Variants in MORN1 observed in about 807,000 individuals in gnomAD.
The protein encoded by MORN1 is MORN repeat-containing protein 1.
MORN1 carries 67 observed loss-of-function variants against 61.9 expected under a neutral mutation model. The ratio of observed to expected loss-of-function variants is 1.08; its 90% CI spans 0.89 to 1.33. MORN1 has a LOEUF of 1.33. Ranked by LOEUF, MORN1 falls within the 40% of genes most tolerant of loss-of-function variation. The pLI is 0.00. For missense variants in MORN1, 752 were observed against 691.2 expected (o/e 1.09, Z -0.99); for synonymous variants, 301 against 292.0 (o/e 1.03, Z -0.31).
At position 2,325,122 on chromosome 1, in the gene MORN1, C is replaced by T. The variant is rs563166006; in HGVS notation, c.1251-979G>A. Among the ~76,000 whole-genome samples, 82 of 68,584 alleles carry T rather than the reference C, an allele frequency of 1.2e-3. 2 individuals carry two copies. Among genetic ancestry groups the T allele is most frequent in the African/African-American group, 6.8e-3 (74 of 10,960 alleles). The allele number at this position is 68,584 out of a possible 152,430, so 45.0% of individuals were successfully genotyped here. A position where few individuals can be genotyped will look rare whatever the true frequency, so the allele number is the denominator to read the frequency against. On this transcript the variant is annotated intron_variant, in intron 12 of 13. Transcript: ENST00000378531. Reference sequence around the variant, plus strand: ...CTCTCCCCTTTCCTTCCCTTCCTTCCCTTCCTTCCTTCCCTCCCTCCCTCC... The same window carrying T: ...CTCTCCCCTTTCCTTCCCTTCCTTCTCTTCCTTCCTTCCCTCCCTCCCTCC...
intron 12 of MORN1, among the ~76,000 whole-genome samples, chr1:2,325,058 G>C (rs553449795): frequency 6.9e-6 from 1 of 145,166 alleles, no homozygotes; most frequent in South Asian, 2.3e-4. Flanking sequence ...TCCCCGGGCA[G>C]TGAGATGCAC....
chr1:2,385,665 G>C (rs1483636712), intron 5 of MORN1, 142 bp downstream of exon 5: 3 of 685,894 alleles, frequency 4.4e-6, no homozygotes, highest in African/African-American at 1.8e-5. Context: ...TGGCACTGGG[G>C]GGGTGGCGGG....
chr1:2,348,622 C>T (rs1048097562), intron 10 of MORN1, among the ~76,000 whole-genome samples: 13 of 150,856 alleles, frequency 8.6e-5, no homozygotes, highest in Admixed American at 7.3e-4. Context: ...TAGGCAGGCA[C>T]GCACGCACAC....
At chr1:2,388,411 C>T in intron 2 of MORN1, 74 bp from the exon 3 acceptor site, 1 of 1,212,538 alleles carries the variant, frequency 8.2e-7, no homozygotes, top group South Asian at 1.2e-5. Flanking sequence ...CAGTGTTGGG[C>T]CTGTTTCTCA....
chr1:2,391,322 G>A (rs985000350), intron 1 of MORN1, 136 bp downstream of exon 1: 3 of 1,032,168 alleles, frequency 2.9e-6, no homozygotes, highest in African/African-American at 3.3e-5. Flanking sequence ...GGACGCGGGG[G>A]CGGCCCTGGC....
Position 2,336,494 on chromosome 1 carries a change from C to T in MORN1, c.1225G>A (p.Ala409Thr), listed in dbSNP as rs2100254792. 6.2e-7 allele frequency: 1 copy of T among 1,612,568 alleles called. No homozygotes were observed. Among genetic ancestry groups the T allele is most frequent in the Non-Finnish European group, 8.5e-7 (1 of 1,179,810 alleles). ...CTGCTGCCTCCAGGAGGCTCCTGTG[C>T]CGTGGGTGGTGTCCCCCTGGGGTGC... ...GLHPRGTPPT[A>T]QEPPGGSRPE... Residue 409 changes from alanine (A) to threonine (T), a missense_variant, in exon 12 of 14, where the codon GCA (alanine) becomes ACA (threonine). By Grantham distance (58) the Ala-to-Thr change is moderately conservative (BLOSUM62 0). Transcript: ENST00000378531.
chr1:2,321,405 G>C lies in MORN1; in HGVS notation c.1472C>G (p.Pro491Arg), dbSNP rs1156465500. ...GCCTCACCGAGGCGCTGGCGGCTCT[G>C]GGGTGCAGCTGTGGGCGGCCTGCCA... is the stretch of plus-strand genomic sequence containing the variant. ...SSWQAAHSCTPEPPAPR is the reference protein window; with the variant it reads ...SSWQAAHSCTREPPAPR Residue 491 changes from proline to arginine, a missense_variant, in exon 14 of 14, where the codon CCA (proline) becomes CGA (arginine). Transcript: ENST00000378531. The C allele has an allele frequency of 6.5e-7, 1 of 1,535,292 alleles. No homozygotes were observed. Among genetic ancestry groups the C allele is most frequent in the Non-Finnish European group, 8.8e-7 (1 of 1,140,328 alleles).
At chr1:2,324,594 G>A (rs775068157) in intron 12 of MORN1, among the ~76,000 whole-genome samples, 11 of 152,164 alleles carry the variant, frequency 7.2e-5, no homozygotes, top group South Asian at 2.1e-4. Flanking sequence ...GAGGCCCGGC[G>A]GTGGTATGGT....
At chr1:2,390,509 G>T (rs1363166853) in intron 1 of MORN1, 1 of 985,302 alleles carries the variant, frequency 1.0e-6, no homozygotes, top group Non-Finnish European at 1.2e-6. Context: ...GTTGCTGGGT[G>T]TGCCACCCGC....
chr1:2,390,714 T>A (rs1021006328), intron 1 of MORN1: 300 of 985,274 alleles, frequency 3.0e-4, no homozygotes, highest in Admixed American at 1.6e-3. Flanking sequence ...CCAGACCCGT[T>A]TATTTGATTC....
intron 8 of MORN1, among the ~76,000 whole-genome samples, chr1:2,359,904 AAAG>A (rs1342422309): frequency 4.6e-5 from 7 of 151,826 alleles, no homozygotes; most frequent in East Asian, 1.9e-4. Context: ...AAGGGAAACA[AAAG>A]AAGAAGAGGA....
At chr1:2,359,608 T>C (rs905344690) in intron 8 of MORN1, among the ~76,000 whole-genome samples, 23 of 152,158 alleles carry the variant, frequency 1.5e-4, no homozygotes, top group African/African-American at 5.3e-4. Context: ...GGAGGCCAGA[T>C]GTGGTGGCTC....
chr1:2,346,756 T>C (rs2100278701), intron 10 of MORN1, among the ~76,000 whole-genome samples: 1 of 151,924 alleles, frequency 6.6e-6, no homozygotes, highest in Middle Eastern at 3.4e-3. Flanking sequence ...CTAAGAAGGG[T>C]GTTTGGGTGC....
chr1:2,344,526 C>T (rs1431347969), intron 10 of MORN1, among the ~76,000 whole-genome samples: 2 of 152,142 alleles, frequency 1.3e-5, no homozygotes, highest in African/African-American at 2.4e-5. Context: ...AGGCCAGGAG[C>T]GGGGACCGCA....
intron 8 of MORN1, among the ~76,000 whole-genome samples, chr1:2,367,934 A>G (rs1642032117): frequency 6.6e-6 from 1 of 152,150 alleles, no homozygotes; most frequent in Non-Finnish European, 1.5e-5. Flanking sequence ...TGGCCTAAAA[A>G]TATAAAATTC....
rs111554132 is a variant in MORN1, at chr1:2,339,660, C to T, written c.1037-2810G>A. Among the ~76,000 whole-genome samples the T allele has an allele frequency of 5.4e-4, 82 of 152,312 alleles. 1 individual carries two copies. Among genetic ancestry groups the T allele is most frequent in the Non-Finnish European group, 9.6e-4 (65 of 68,020 alleles). ...CCCGCCAGGCCCCAGTGTCTCCCAC[C>T]GAGTCGCTGGCACTGCCCTCAGCTG... On this transcript the variant is annotated intron_variant, in intron 10 of 13. Transcript: ENST00000378531.
At chr1:2,332,863 C>T (rs968971484) in intron 12 of MORN1, 32 of 383,020 alleles carry the variant, frequency 8.4e-5, no homozygotes, top group African/African-American at 1.9e-4. Flanking sequence ...CCCCAGGCTG[C>T]GCCTCGAGGG....
At chr1:2,354,821 G>A (rs1340696403) in intron 10 of MORN1, among the ~76,000 whole-genome samples, 2 of 152,218 alleles carry the variant, frequency 1.3e-5, no homozygotes, top group Non-Finnish European at 2.9e-5. Context: ...GCCTCCCAGG[G>A]TTGGTGTCGG....
chr1:2,329,585 C>T (rs1641104274), intron 12 of MORN1, among the ~76,000 whole-genome samples: 1 of 152,184 alleles, frequency 6.6e-6, no homozygotes, highest in East Asian at 1.9e-4. Context: ...ACCCACTGCC[C>T]AGTGGGTCTC....
Sources: gnomAD v4.1 joint callset for allele counts (sites outside exome capture counted in the v4.1 genomes callset) on GRCh38, gnomAD v4.1.1 for gene constraint, MANE v1.5 for transcripts, NCBI Gene and HGNC (gene_info 2026-07-23, HGNC 2026-07-21) for gene names.